The following ADAMTS3 variants were observed in gnomAD, a reference collection of about 807,000 sequenced individuals.
ADAMTS3 encodes the protein ADAM metallopeptidase with thrombospondin type 1 motif 3, also known as A disintegrin and metalloproteinase with thrombospondin motifs 3.
In ADAMTS3, 73 loss-of-function variants were observed where a neutral mutation model predicts 129.0. The observed-to-expected ratio is 0.57, with a 90% CI of 0.47 to 0.69. The LOEUF (loss-of-function observed/expected upper bound fraction) is 0.69, where lower values mean the gene tolerates loss of function less well. Ranked by LOEUF, ADAMTS3 falls within the 30% of genes least tolerant of loss-of-function variation. The pLI, the probability that ADAMTS3 is intolerant of heterozygous loss-of-function variation, is 0.00. For synonymous variants in ADAMTS3, 477 were observed against 510.8 expected, an observed-to-expected ratio of 0.93 and a Z score of 0.89; for missense variants, 1,457 against 1,514.5, an observed-to-expected ratio of 0.96 and a Z score of 0.63.
At chr4:72,308,547 C>T (rs942423714) in intron 15 of ADAMTS3, among the ~76,000 whole-genome samples, 5 of 151,940 alleles carry the variant, frequency 3.3e-5, no homozygotes, top group Middle Eastern at 3.4e-3. Context: ...TCTTCTTGAG[C>T]AAACACCACA....
intron 5 of ADAMTS3, chr4:72,330,669 A>G (rs1719821311): frequency 6.6e-6 from 1 of 152,202 alleles, no homozygotes. Context: ...TATTTAGGTG[A>G]TTTGGGCACA....
At chr4:72,543,651 A>C (rs1173274489) in intron 3 of ADAMTS3, among the ~76,000 whole-genome samples, 1 of 152,188 alleles carries the variant, frequency 6.6e-6, no homozygotes, top group African/African-American at 2.4e-5. Flanking sequence ...ACTTATATGA[A>C]GCATTTAGAG....
chr4:72,406,886 C>A (rs1031355087), intron 4 of ADAMTS3, among the ~76,000 whole-genome samples: 1 of 152,108 alleles, frequency 6.6e-6, no homozygotes, highest in Admixed American at 6.6e-5. Flanking sequence ...GAGCTGGCAG[C>A]ATTTTAGAAC....
chr4:72,519,231 T>C (rs1395209635), intron 3 of ADAMTS3, among the ~76,000 whole-genome samples: 2 of 152,242 alleles, frequency 1.3e-5, no homozygotes, highest in Non-Finnish European at 2.9e-5. Context: ...GGGCTTCCCT[T>C]TGTGGGTAAC....
At chr4:72,554,653 C>A (rs1044850664) in intron 2 of ADAMTS3, among the ~76,000 whole-genome samples, 4 of 151,758 alleles carry the variant, frequency 2.6e-5, no homozygotes, top group Admixed American at 6.6e-5. Context: ...ACTGCTGTTT[C>A]TTTAGCAATT....
chr4:72,454,597 G>A (rs916017039), intron 3 of ADAMTS3, among the ~76,000 whole-genome samples: 2 of 151,662 alleles, frequency 1.3e-5, no homozygotes, highest in African/African-American at 4.8e-5. Context: ...TATTATTATT[G>A]TTGTTCTTGC....
intron 17 of ADAMTS3, among the ~76,000 whole-genome samples, chr4:72,300,439 A>T (rs1230977824): frequency 1.3e-5 from 2 of 152,208 alleles, no homozygotes; most frequent in Admixed American, 6.6e-5. Context: ...CAATGTAATT[A>T]TATCAGCATG....
At chr4:72,387,606 G>A (rs182168282) in intron 4 of ADAMTS3, among the ~76,000 whole-genome samples, 1 of 152,262 alleles carries the variant, frequency 6.6e-6, no homozygotes, top group Non-Finnish European at 1.5e-5. Flanking sequence ...GGGCTATCCT[G>A]AGTGAGCCTT....
intron 3 of ADAMTS3, among the ~76,000 whole-genome samples, chr4:72,458,295 GTCTC>G (rs1028755631): frequency 2.0e-5 from 3 of 151,408 alleles, no homozygotes; most frequent in African/African-American, 7.3e-5. Flanking sequence ...CCAAATTTTA[GTCTC>G]TCTCTGTCTT....
chr4:72,568,229 CG>C (rs1722071676), intron 1 of ADAMTS3, among the ~76,000 whole-genome samples: 1 of 152,134 alleles, frequency 6.6e-6, no homozygotes, highest in South Asian at 2.1e-4. Flanking sequence ...CCCCCGCCTC[CG>C]GCTGCCCGAA....
chr4:72,409,000 T>G (rs6857850), intron 4 of ADAMTS3, among the ~76,000 whole-genome samples: 148,118 of 152,072 alleles, frequency 0.97, 72,277 homozygotes, highest in South Asian at 1. Context: ...AACTACCAGG[T>G]CACGTGTATA....
intron 3 of ADAMTS3, among the ~76,000 whole-genome samples, chr4:72,547,055 G>A (rs745621593): frequency 1.3e-5 from 2 of 152,184 alleles, no homozygotes; most frequent in Non-Finnish European, 2.9e-5. Flanking sequence ...GTAAGAGACT[G>A]TTGAAAAGAA....
At chr4:72,477,708 A>G (rs1326801043) in intron 3 of ADAMTS3, among the ~76,000 whole-genome samples, 1 of 152,160 alleles carries the variant, frequency 6.6e-6, no homozygotes, top group African/African-American at 2.4e-5. Context: ...GAACTGAAGG[A>G]AATAGAGACA....
chr4:72,473,141 TATTG>T (rs1012704702), intron 3 of ADAMTS3, among the ~76,000 whole-genome samples: 1 of 152,164 alleles, frequency 6.6e-6, no homozygotes, highest in African/African-American at 2.4e-5. Context: ...TTGTTAAAAA[TATTG>T]ATTATCATAA....
intron 17 of ADAMTS3, among the ~76,000 whole-genome samples, chr4:72,300,996 G>C (rs148592546): frequency 6.6e-6 from 1 of 152,290 alleles, no homozygotes; most frequent in East Asian, 1.9e-4. Context: ...GTGGTGTCCA[G>C]ATACATGTTC....
At chr4:72,370,645 G>C (rs1349393745) in intron 4 of ADAMTS3, among the ~76,000 whole-genome samples, 1 of 152,092 alleles carries the variant, frequency 6.6e-6, no homozygotes, top group African/African-American at 2.4e-5. Flanking sequence ...AGCTACTCAG[G>C]AGGTTGAGGC....
At chr4:72,350,608 G>A (rs1487011360) in intron 4 of ADAMTS3, among the ~76,000 whole-genome samples, 2 of 151,848 alleles carry the variant, frequency 1.3e-5, no homozygotes, top group Admixed American at 1.3e-4. Flanking sequence ...TGTTCCTTTC[G>A]GGTCTTGCTT....
intron 4 of ADAMTS3, among the ~76,000 whole-genome samples, chr4:72,371,114 C>T (rs776873821): frequency 2.0e-5 from 3 of 152,034 alleles, no homozygotes; most frequent in Admixed American, 6.6e-5. Context: ...CTAGGGGAGA[C>T]ATCAGCAGAT....
chr4:72,437,688 T>C (rs1717986312), intron 3 of ADAMTS3, among the ~76,000 whole-genome samples: 1 of 151,712 alleles, frequency 6.6e-6, no homozygotes, highest in South Asian at 2.1e-4. Context: ...AGGGTGATGA[T>C]AACAGAAACA....
Sources: allele counts gnomAD v4.1 joint callset (sites outside exome capture counted in the v4.1 genomes callset), GRCh38; gene constraint gnomAD v4.1.1; transcripts MANE v1.5; gene names NCBI Gene and HGNC (gene_info 2026-07-23, HGNC 2026-07-21).